The following FRMPD1 variants were observed in gnomAD, a reference collection of about 807,000 sequenced individuals.
The protein encoded by FRMPD1 is FERM and PDZ domain containing 1, also known as FERM and PDZ domain-containing protein 1.
A neutral mutation model predicts 117.8 loss-of-function variants in FRMPD1; 76 were observed. The ratio of observed to expected loss-of-function variants is 0.65; its 90% CI spans 0.54 to 0.78. FRMPD1 has a LOEUF of 0.78. FRMPD1 is among the 30% of genes least tolerant of loss of function. The pLI is 0.00. For synonymous variants in FRMPD1, 783 were observed against 770.4 expected (o/e 1.02, Z -0.27); for missense variants, 1,786 against 1,964.5 (o/e 0.91, Z 1.72).
At chr9:37,725,971 A>AT (rs1358811637) in intron 7 of FRMPD1, among the ~76,000 whole-genome samples, 3 of 152,234 alleles carry the variant, frequency 2.0e-5, no homozygotes, top group Non-Finnish European at 2.9e-5. Context: ...AGAAGGGTTG[A>AT]TTTTTTTTAA....
At chr9:37,739,473 C>T (rs938740756) in intron 14 of FRMPD1, among the ~76,000 whole-genome samples, 3 of 152,126 alleles carry the variant, frequency 2.0e-5, no homozygotes, top group Admixed American at 2.0e-4. Flanking sequence ...ACCATTAATC[C>T]TTCCTGAGAA....
Position 37,724,328 on chromosome 9 carries a change from G to T in FRMPD1, c.612+8G>T. 1 of 1,422,360 alleles carries T rather than the reference G, an allele frequency of 7.0e-7. No individual in the cohort carries two copies. The highest frequency in any genetic ancestry group is 9.9e-7 in the Non-Finnish European group (1 of 1,005,700). The allele number at this position is 1,422,360 out of a possible 1,614,324, so 88.1% of individuals were successfully genotyped here. A position where few individuals can be genotyped will look rare whatever the true frequency, so the allele number is the denominator to read the frequency against. On this transcript the variant is annotated splice_region_variant and intron_variant, in intron 7 of 15. Coordinates refer to ENST00000377765, the MANE Select transcript of FRMPD1 (RefSeq NM_014907.3). ...GCAAACACAACCGTGAAGGTATTAA[G>T]AATAAACTTGAACTTCTTTTCCCAA... is the stretch of plus-strand genomic sequence containing the variant.
At chr9:37,651,890 A>C (rs1267442359) in intron 1 of FRMPD1, among the ~76,000 whole-genome samples, 1 of 152,224 alleles carries the variant, frequency 6.6e-6, no homozygotes, top group African/African-American at 2.4e-5. Flanking sequence ...GCATTTAGTC[A>C]GTTTGGGTGG....
At chr9:37,658,680 C>G (rs1012043657) in intron 1 of FRMPD1, among the ~76,000 whole-genome samples, 4 of 152,164 alleles carry the variant, frequency 2.6e-5, no homozygotes, top group African/African-American at 9.7e-5. Flanking sequence ...ACGTTGCCTC[C>G]TCCTGTCTGT....
At chr9:37,739,565 A>G (rs1215129527) in intron 14 of FRMPD1, among the ~76,000 whole-genome samples, 1 of 152,192 alleles carries the variant, frequency 6.6e-6, no homozygotes, top group African/African-American at 2.4e-5. Context: ...GAATGGTGCC[A>G]GCCTAGCAGC....
At chr9:37,743,912 A>T (rs1459403681) in intron 15 of FRMPD1, among the ~76,000 whole-genome samples, 1 of 150,736 alleles carries the variant, frequency 6.6e-6, no homozygotes, top group Non-Finnish European at 1.5e-5. Flanking sequence ...AAGAAAAAAA[A>T]AAGTCGGCCA....
the FRMPD1 span, among the ~76,000 whole-genome samples, chr9:37,630,744 C>T: frequency 1.3e-5 from 2 of 152,188 alleles, no homozygotes; most frequent in Non-Finnish European, 2.9e-5. Flanking sequence ...TTAGGTTCAC[C>T]ATGGACAGTG....
chr9:37,736,223 G>C (rs368312685), intron 13 of FRMPD1, among the ~76,000 whole-genome samples: 1 of 151,702 alleles, frequency 6.6e-6, no homozygotes, highest in Admixed American at 6.6e-5. Context: ...GGATGGTCTC[G>C]ATCTCCTGAC....
chr9:37,709,993 T>A (rs1822849915), intron 4 of FRMPD1, among the ~76,000 whole-genome samples: 1 of 152,234 alleles, frequency 6.6e-6, no homozygotes. Flanking sequence ...GACGCCTTAC[T>A]TTTTTTAAGC....
At chr9:37,626,647 G>C in the FRMPD1 span, among the ~76,000 whole-genome samples, 40 of 31,718 alleles carry the variant, frequency 1.3e-3, no homozygotes, top group African/African-American at 5.0e-3. Flanking sequence ...AAAAAAGCTG[G>C]AGGTGGTGGC....
Position 37,730,996 on chromosome 9 carries a change from G to A in FRMPD1, c.751G>A (p.Glu251Lys), listed in dbSNP as rs1234590480. The A allele has an allele frequency of 1.2e-6, 2 of 1,613,844 alleles. No homozygotes were observed. The highest frequency in any genetic ancestry group is 4.5e-5 in the East Asian group (2 of 44,894). Residue 251 changes from glutamate (E) to lysine (K), a missense_variant, in exon 9 of 16, where the codon GAG (glutamate) becomes AAG (lysine). By Grantham distance (56) the Glu-to-Lys change is moderately conservative (BLOSUM62 1). Coordinates refer to ENST00000377765, the MANE Select transcript of FRMPD1 (RefSeq NM_014907.3). ...EELIQQVVER[E>K]ESHDYRCLFR... is the part of the protein sequence containing the mutation. ...TTACCCATCGCAGGTGGTAGAAAGG[G>A]AGGAGTCACATGACTACCGCTGCCT...
rs1389274462 is a variant in FRMPD1 at position 37,707,417 on chromosome 9, G to A, written c.103G>A (p.Ala35Thr). ...LRRSRDSSAR[A>T]KVAAADGPAR... ...TTTTACATACTCCTTCTCTTCCAGGGCTAAAGTTGCTGCAGCTGATGGGCC... is the reference window on the plus strand; with the variant it reads ...TTTTACATACTCCTTCTCTTCCAGGACTAAAGTTGCTGCAGCTGATGGGCC... The change falls in exon 3 of 16, where the codon GCT (alanine) becomes ACT (threonine). Residue 35 changes from alanine (A) to threonine (T), a missense_variant and splice_region_variant. Physicochemically the swap from Ala to Thr is moderately conservative, Grantham distance 58 (BLOSUM62 0). Transcript: ENST00000377765. The A allele has an allele frequency of 4.3e-6, 7 of 1,613,144 alleles. No individual in the cohort carries two copies. The highest frequency in any genetic ancestry group is 2.7e-5 in the African/African-American group (2 of 74,844).
chr9:37,741,700 T>C (rs920831079), intron 15 of FRMPD1, among the ~76,000 whole-genome samples: 1 of 152,216 alleles, frequency 6.6e-6, no homozygotes, highest in Non-Finnish European at 1.5e-5. Context: ...TGAGGCCCTC[T>C]GTGACATGGC....
chr9:37,745,596 C>T lies in FRMPD1; in HGVS notation c.3564C>T (p.Pro1188=). 6.2e-7 allele frequency: 1 copy of T among 1,614,154 alleles called. No homozygotes were observed. The highest frequency in any genetic ancestry group is 8.5e-7 in the Non-Finnish European group (1 of 1,180,012). ...PRDPQGQSRE[P]PGQGCQAQEQ... is the part of the protein sequence containing the mutation. Reference sequence around the variant, plus strand: ...ACCCTCAAGGACAGAGCAGAGAACCCCCAGGGCAAGGCTGCCAGGCTCAAG... The same window carrying T: ...ACCCTCAAGGACAGAGCAGAGAACCTCCAGGGCAAGGCTGCCAGGCTCAAG... The change falls in exon 16 of 16, where the codon CCC becomes CCT. Residue 1188 remains proline (P), a synonymous_variant. Transcript: ENST00000377765.
chr9:37,621,091 GAGA>G, the FRMPD1 span, among the ~76,000 whole-genome samples: 6 of 152,148 alleles, frequency 3.9e-5, no homozygotes, highest in Non-Finnish European at 7.3e-5. Context: ...GGGAATAAGA[GAGA>G]AGGAGTGACT....
intron 7 of FRMPD1, among the ~76,000 whole-genome samples, chr9:37,725,043 TATCA>T (rs751157269): frequency 5.1e-4 from 78 of 152,288 alleles, no homozygotes; most frequent in South Asian, 1.0e-3. Flanking sequence ...GTAGGGTACA[TATCA>T]ATCAGAGAGT....
intron 1 of FRMPD1, among the ~76,000 whole-genome samples, chr9:37,684,113 G>T (rs1159831810): frequency 6.6e-6 from 1 of 152,002 alleles, no homozygotes; most frequent in Non-Finnish European, 1.5e-5. Context: ...AGTGTTGTGT[G>T]GGGGAGATGA....
chr9:37,639,682 T>G, the FRMPD1 span, among the ~76,000 whole-genome samples: 17 of 152,258 alleles, frequency 1.1e-4, no homozygotes, highest in Admixed American at 9.8e-4. Context: ...ATGACTCCAG[T>G]GTCTATGCAC....
the FRMPD1 span, among the ~76,000 whole-genome samples, chr9:37,629,116 T>C: frequency 6.6e-6 from 1 of 152,090 alleles, no homozygotes; most frequent in Non-Finnish European, 1.5e-5. Flanking sequence ...GGAGAATCGC[T>C]TGAACTCGGG....
Sources: allele counts gnomAD v4.1 joint callset (sites outside exome capture counted in the v4.1 genomes callset), GRCh38; gene constraint gnomAD v4.1.1; transcripts MANE v1.5; gene names NCBI Gene and HGNC (gene_info 2026-07-23, HGNC 2026-07-21).